Variants in XPO4 observed in about 807,000 individuals in gnomAD.
XPO4 encodes exportin 4.
In XPO4, 39 loss-of-function variants were observed where a neutral mutation model predicts 143.0. The ratio of observed to expected loss-of-function variants is 0.27; its 90% CI spans 0.21 to 0.36. XPO4 has a LOEUF of 0.36. Ranked by LOEUF, XPO4 falls within the 10% of genes least tolerant of loss-of-function variation. The probability of loss-of-function intolerance (pLI) is 1.00; values close to 1 mark genes in which losing one functional copy is unlikely to be tolerated. For missense variants in XPO4, 907 were observed against 1,348.0 expected, an observed-to-expected ratio of 0.67 and a Z score of 5.12; for synonymous variants, 439 against 474.0, an observed-to-expected ratio of 0.93 and a Z score of 0.96.
At chr13:20,847,671 A>G (rs1319605297) in intron 4 of XPO4, among the ~76,000 whole-genome samples, 1 of 152,144 alleles carries the variant, frequency 6.6e-6, no homozygotes, top group East Asian at 1.9e-4. Flanking sequence ...ATATTTTTCC[A>G]TATCAGAGAC....
intron 3 of XPO4, 125 bp from the exon 4 acceptor site, chr13:20,855,890 G>A: frequency 9.6e-7 from 1 of 1,045,496 alleles, no homozygotes; most frequent in South Asian, 2.0e-5. Context: ...AGAGCCAAAG[G>A]GTTATGTACA....
rs373283109 is a variant in XPO4, at chr13:20,783,723, T to C, written c.3455A>G (p.Ter1152=). 1.2e-6 allele frequency: 2 copies of C among 1,613,996 alleles called. No individual in the cohort carries two copies. The highest frequency in any genetic ancestry group is 1.7e-6 in the Non-Finnish European group (2 of 1,179,932). Residue 1152 remains the stop codon, a stop_retained_variant, in exon 23 of 23, where the codon TAA becomes TGA. Coordinates refer to ENST00000255305, the MANE Select transcript of XPO4 (RefSeq NM_022459.5). The part of the protein sequence containing the change: ...ANVGGLLCVK[*] ...AAATTAAGCATAAAGTTCTGTTGTTTATTTTACACAAAGGAGACCACCAAC... is the reference window on the plus strand; with the variant it reads ...AAATTAAGCATAAAGTTCTGTTGTTCATTTTACACAAAGGAGACCACCAAC...
At position 20,782,716 on chromosome 13, in the gene XPO4, C is replaced by A. The variant is rs10507292; in HGVS notation, c.*1006G>T. On this transcript the variant is annotated 3_prime_UTR_variant, in exon 23 of 23. Coordinates refer to ENST00000255305, the MANE Select transcript of XPO4 (RefSeq NM_022459.5). ...TGATAAACCTACATAAATACACGATCGAAAGGGGCAACAGGTTCATAGCAG... is the reference window on the plus strand; with the variant it reads ...TGATAAACCTACATAAATACACGATAGAAAGGGGCAACAGGTTCATAGCAG... 6.6e-6 allele frequency: 1 copy of A among 152,592 alleles called. No homozygotes were observed. Among genetic ancestry groups the A allele is most frequent in the African/African-American group, 2.4e-5 (1 of 41,470 alleles). The allele number at this position is 152,592 out of a possible 1,614,324, so 9.5% of individuals were successfully genotyped here.
In XPO4 at chr13:20,782,248, A is replaced by T. The variant is rs2059151273; in HGVS notation, c.*1474T>A. On this transcript the variant is annotated 3_prime_UTR_variant, in exon 23 of 23. Coordinates refer to ENST00000255305, the MANE Select transcript of XPO4 (RefSeq NM_022459.5). ...GTATTTGCAGAATGGTTTAATAGAT[A>T]GGTGTCAGGAACATGGTGGAAGCAG... 6.6e-6 allele frequency: 1 copy of T among 152,268 alleles called. No homozygotes were observed. Among genetic ancestry groups the T allele is most frequent in the Non-Finnish European group, 1.5e-5 (1 of 68,052 alleles). The allele number at this position is 152,268 out of a possible 1,614,324, so 9.4% of individuals were successfully genotyped here.
Position 20,788,547 on chromosome 13 carries a change from G to T in XPO4, c.2986C>A (p.Pro996Thr), listed in dbSNP as rs777867790. Reference protein sequence around the residue: ...FICEIFPEKIPQLPEDLFKSL... With the variant: ...FICEIFPEKITQLPEDLFKSL... ...TTAAACAGATCCTCAGGAAGCTGTGGTATTTTTTCAGGAAAAATCTCACAG... is the reference window on the plus strand; with the variant it reads ...TTAAACAGATCCTCAGGAAGCTGTGTTATTTTTTCAGGAAAAATCTCACAG... The change falls in exon 20 of 23, where the codon CCA (proline) becomes ACA (threonine). Residue 996 changes from proline to threonine, a missense_variant. Transcript: ENST00000255305. The T allele has an allele frequency of 6.2e-7, 1 of 1,612,972 alleles. No individual in the cohort carries two copies. Among genetic ancestry groups the T allele is most frequent in the South Asian group, 1.1e-5 (1 of 90,852 alleles).
intron 4 of XPO4, 119 bp downstream of exon 4, chr13:20,855,508 G>T: frequency 1.0e-6 from 1 of 1,003,844 alleles, no homozygotes; most frequent in Non-Finnish European, 1.3e-6. Flanking sequence ...AATGAAAATT[G>T]CTTGACTGAT....
At chr13:20,849,124 T>G (rs569864707) in intron 4 of XPO4, 29 of 985,404 alleles carry the variant, frequency 2.9e-5, no homozygotes, top group Admixed American at 6.1e-5. Context: ...AATAAAATAC[T>G]CTTGTTCAGA....
At chr13:20,893,188 T>C (rs962857808) in intron 1 of XPO4, among the ~76,000 whole-genome samples, 5 of 152,158 alleles carry the variant, frequency 3.3e-5, no homozygotes, top group Admixed American at 2.0e-4. Context: ...CCTCACAAGG[T>C]GCAAACATTT....
intron 18 of XPO4, among the ~76,000 whole-genome samples, chr13:20,792,723 CAAAA>C (rs748612077): frequency 1.0e-5 from 1 of 98,082 alleles, no homozygotes; most frequent in Non-Finnish European, 1.9e-5. Context: ...CTCTGTCTCA[CAAAA>C]AAAAAAAAAA....
chr13:20,838,609 C>CAA (rs36097222), intron 6 of XPO4, among the ~76,000 whole-genome samples: 4 of 87,702 alleles, frequency 4.6e-5, no homozygotes, highest in South Asian at 3.9e-4. Context: ...GACTCCATCT[C>CAA]AAAAAAAAAA....
At chr13:20,798,660 T>C (rs1270571835) in intron 16 of XPO4, among the ~76,000 whole-genome samples, 1 of 152,090 alleles carries the variant, frequency 6.6e-6, no homozygotes, top group African/African-American at 2.4e-5. Flanking sequence ...ACAGAAAAAT[T>C]ATAAGACAAC....
chr13:20,898,707 C>A (rs892134964), intron 1 of XPO4, among the ~76,000 whole-genome samples: 5 of 152,072 alleles, frequency 3.3e-5, no homozygotes, highest in African/African-American at 1.2e-4. Flanking sequence ...GGCAACAAAA[C>A]CAAGCAAATT....
chr13:20,825,371 ATAAC>A (rs1258467229), intron 7 of XPO4, among the ~76,000 whole-genome samples: 1 of 152,260 alleles, frequency 6.6e-6, no homozygotes, highest in East Asian at 1.9e-4. Context: ...ATAAATTCAT[ATAAC>A]TAAAACTAAA....
intron 19 of XPO4, 107 bp from the exon 20 acceptor site, chr13:20,788,723 C>A (rs2059239670): frequency 1.8e-6 from 2 of 1,114,070 alleles, no homozygotes; most frequent in South Asian, 1.8e-5. Flanking sequence ...ATAATGATTT[C>A]TTTAAAACAT....
At chr13:20,801,040 G>A (rs560511116) in intron 13 of XPO4, 50 bp from the exon 14 acceptor site, 2 of 1,584,122 alleles carry the variant, frequency 1.3e-6, no homozygotes, top group East Asian at 4.5e-5. Context: ...TTTAGTTGCT[G>A]TCTAATCATA....
intron 1 of XPO4, among the ~76,000 whole-genome samples, chr13:20,872,992 A>G (rs1286810741): frequency 6.6e-6 from 1 of 152,054 alleles, no homozygotes; most frequent in African/African-American, 2.4e-5. Flanking sequence ...TTGCCACTAC[A>G]GTAAAAGCTT....
intron 9 of XPO4, among the ~76,000 whole-genome samples, chr13:20,819,488 C>T (rs942774761): frequency 3.9e-5 from 6 of 151,994 alleles, no homozygotes; most frequent in African/African-American, 7.2e-5. Flanking sequence ...GGTGAAACCC[C>T]GTCTCTACTA....
In XPO4 at chr13:20,843,889, G is replaced by A. The variant is rs761860412; in HGVS notation, c.457-3C>T. 1.6e-5 allele frequency: 26 copies of A among 1,602,224 alleles called. No homozygotes were observed. The highest frequency in any genetic ancestry group is 2.1e-5 in the Non-Finnish European group (25 of 1,171,148). ...AGAATAGAACAGGCCAGAGTTTGCT[G>A]TAATTATTTGATAAGAAATAATTGT... On this transcript the variant is annotated splice_region_variant and splice_polypyrimidine_tract_variant and intron_variant, in intron 4 of 22. Coordinates refer to ENST00000255305, the MANE Select transcript of XPO4 (RefSeq NM_022459.5).
intron 1 of XPO4, among the ~76,000 whole-genome samples, chr13:20,887,876 G>GA (rs1184311348): frequency 3.8e-4 from 53 of 141,098 alleles, no homozygotes; most frequent in Middle Eastern, 4.0e-3. Context: ...GAAAGGAAAA[G>GA]AAAAAAAAAA....
Sources: gnomAD v4.1 joint callset for allele counts (sites outside exome capture counted in the v4.1 genomes callset) on GRCh38, gnomAD v4.1.1 for gene constraint, MANE v1.5 for transcripts, NCBI Gene and HGNC (gene_info 2026-07-23, HGNC 2026-07-21) for gene names.